Variants in SPIN1 observed in about 807,000 individuals in gnomAD.
SPIN1 encodes the protein spindlin 1.
In SPIN1, 3 loss-of-function variants were observed where a neutral mutation model predicts 26.0. The observed-to-expected ratio is 0.12, with a 90% confidence interval of 0.05 to 0.30. The LOEUF (loss-of-function observed/expected upper bound fraction) is 0.30, where lower values mean the gene tolerates loss of function less well. SPIN1 is among the 10% of genes least tolerant of loss of function. The pLI is 1.00. For missense variants in SPIN1, 126 were observed against 333.4 expected (o/e 0.38, Z 4.84); for synonymous variants, 101 against 116.5 (o/e 0.87, Z 0.86).
In SPIN1 at chr9:88,404,485, ACT is replaced by A. The variant is rs550477028; in HGVS notation, c.-159+15950_-159+15951del. 1.3e-3 allele frequency among the ~76,000 whole-genome samples: 192 copies of A among 152,176 alleles called. 5 individuals are homozygous for A. The South Asian group carries it at 0.036, about 29-fold the overall frequency. ...AAGTTCATAATTTTTAAATTTCTTG[ACT>A]CTTATAGTACTTAGCTTAAAACACA... On this transcript the variant is annotated intron_variant, in intron 1 of 5. Coordinates refer to ENST00000375859, the MANE Select transcript of SPIN1 (RefSeq NM_006717.3).
rs1828902628 is a variant in SPIN1 at position 88,477,142 on chromosome 9, A to G, written c.*1865A>G. 1 of 152,170 alleles carries G rather than the reference A, an allele frequency of 6.6e-6. No homozygotes were observed. The highest frequency in any genetic ancestry group is 1.5e-5 in the Non-Finnish European group (1 of 68,036). The allele number at this position is 152,170 out of a possible 1,614,324, so 9.4% of individuals were successfully genotyped here. ...TGCTTCTCGTATGTGAACAGGTGTC[A>G]TTCTACAGATCTGTTATGTGTTTTC... On this transcript the variant is annotated 3_prime_UTR_variant, in exon 6 of 6. Transcript: ENST00000375859.
intron 5 of SPIN1, among the ~76,000 whole-genome samples, chr9:88,472,819 G>A (rs1178096072): frequency 1.3e-5 from 2 of 152,122 alleles, no homozygotes; most frequent in African/African-American, 2.4e-5. Context: ...TTACTTCTAA[G>A]GATTTTATTC....
intron 3 of SPIN1, among the ~76,000 whole-genome samples, chr9:88,460,679 G>A (rs1010282467): frequency 6.6e-6 from 1 of 152,156 alleles, no homozygotes; most frequent in Non-Finnish European, 1.5e-5. Context: ...AGCTCAGGCA[G>A]GCCAGCAGGA....
At chr9:88,462,222 A>G (rs899769381) in intron 3 of SPIN1, among the ~76,000 whole-genome samples, 1 of 152,234 alleles carries the variant, frequency 6.6e-6, no homozygotes, top group Non-Finnish European at 1.5e-5. Flanking sequence ...AGTAGGGCTT[A>G]AGTTGCTATT....
chr9:88,403,561 A>G (rs1827232400), intron 1 of SPIN1, among the ~76,000 whole-genome samples: 1 of 152,096 alleles, frequency 6.6e-6, no homozygotes, highest in Non-Finnish European at 1.5e-5. Flanking sequence ...ATTTAAAAAA[A>G]TTAGCTGTGT....
intron 1 of SPIN1, among the ~76,000 whole-genome samples, chr9:88,401,599 G>C (rs969438349): frequency 6.6e-6 from 1 of 152,142 alleles, no homozygotes; most frequent in African/African-American, 2.4e-5. Context: ...TAGTTATACT[G>C]TATTGTTGAG....
intron 1 of SPIN1, among the ~76,000 whole-genome samples, chr9:88,394,172 C>T (rs540046504): frequency 1.3e-5 from 2 of 152,262 alleles, no homozygotes; most frequent in Non-Finnish European, 2.9e-5. Context: ...TAATCAAATA[C>T]TCACTGTTTT....
At position 88,477,462 on chromosome 9, in the gene SPIN1, CATG is replaced by C. The variant is rs1828908411; in HGVS notation, c.*2192_*2194del. ...TCTCCCAGTTTCTAGATGAATGCAA[CATG>C]ATGATGGTGATGATGACGATGAGTT... On this transcript the variant is annotated 3_prime_UTR_variant, in exon 6 of 6. Transcript: ENST00000375859. The C allele has an allele frequency of 6.6e-6, 1 of 152,134 alleles. No individual in the cohort carries two copies. The highest frequency in any genetic ancestry group is 2.1e-4 in the South Asian group (1 of 4,822). The allele number at this position is 152,134 out of a possible 1,614,324, so 9.4% of individuals were successfully genotyped here. A position where few individuals can be genotyped will look rare whatever the true frequency, so the allele number is the denominator to read the frequency against.
rs1048007463 is a variant in SPIN1, at chr9:88,478,613, T to A, written c.*3336T>A. On this transcript the variant is annotated 3_prime_UTR_variant, in exon 6 of 6. Transcript: ENST00000375859. The stretch of plus-strand genomic sequence containing the variant: ...TAGAAGTATACACAATATAAATCTG[T>A]TAATTCTGTAAGTAATTTTTATAAT... 1.3e-5 allele frequency: 2 copies of A among 152,256 alleles called. No individual in the cohort carries two copies. The highest frequency in any genetic ancestry group is 2.9e-5 in the Non-Finnish European group (2 of 68,034). The allele number at this position is 152,256 out of a possible 1,614,324, so 9.4% of individuals were successfully genotyped here.
At chr9:88,403,263 T>A (rs1252054926) in intron 1 of SPIN1, among the ~76,000 whole-genome samples, 1 of 152,226 alleles carries the variant, frequency 6.6e-6, no homozygotes. Context: ...TTTGTTTCCT[T>A]TGCTGTGCAG....
At position 88,429,625 on chromosome 9, in the gene SPIN1, C is replaced by G. The variant is rs1038771585; in HGVS notation, c.52+3034C>G. ...GAAGGGGCATTGGTGCATCTACCCC[C>G]CTCCAGGAACCTTCAGATAGTGTTG... On this transcript the variant is annotated intron_variant, in intron 2 of 5. Coordinates refer to ENST00000375859, the MANE Select transcript of SPIN1 (RefSeq NM_006717.3). Among the ~76,000 whole-genome samples the G allele has an allele frequency of 2.0e-5, 3 of 152,162 alleles. No homozygotes were observed. In the East Asian group the frequency reaches 5.8e-4, roughly 29 times the overall value.
At chr9:88,432,421 C>G (rs1198459418) in intron 2 of SPIN1, among the ~76,000 whole-genome samples, 1 of 146,464 alleles carries the variant, frequency 6.8e-6, no homozygotes, top group African/African-American at 2.5e-5. Flanking sequence ...CTCCTGACCT[C>G]AGGTGATCCA....
chr9:88,429,973 G>T (rs982939817), intron 2 of SPIN1, among the ~76,000 whole-genome samples: 9 of 152,164 alleles, frequency 5.9e-5, no homozygotes, highest in Non-Finnish European at 1.3e-4. Flanking sequence ...TATTACAGAA[G>T]TATAGCCTAT....
At chr9:88,405,506 C>T (rs529587738) in intron 1 of SPIN1, among the ~76,000 whole-genome samples, 3 of 145,736 alleles carry the variant, frequency 2.1e-5, no homozygotes, top group East Asian at 2.1e-4. Context: ...GGATTACAGT[C>T]GTGAGCCACA....
At position 88,436,795 on chromosome 9, in the gene SPIN1, C is replaced by T. The variant is rs1474113526; in HGVS notation, c.52+10204C>T. On this transcript the variant is annotated intron_variant, in intron 2 of 5. Transcript: ENST00000375859. ...TTTTTTTTTTTTTGAGACGGAGTCT[C>T]GCTCTGTCGCCCAGGCTGGAGTGCA... 2.2e-3 allele frequency among the ~76,000 whole-genome samples: 280 copies of T among 125,250 alleles called. 1 individual carries two copies. The highest frequency in any genetic ancestry group is 7.2e-3 in the African/African-American group (271 of 37,562). 82.2% of individuals were successfully genotyped at this position (125,250 alleles called of 152,430 possible). A position where few individuals can be genotyped will look rare whatever the true frequency, so the allele number is the denominator to read the frequency against.
In SPIN1 at chr9:88,469,077, C is replaced by T. The variant is rs149009275; in HGVS notation, c.589+472C>T. Among the ~76,000 whole-genome samples, 58 of 152,234 alleles carry T rather than the reference C, an allele frequency of 3.8e-4. No individual in the cohort carries two copies. The East Asian group carries it at 9.3e-3, about 24-fold the overall frequency. On this transcript the variant is annotated intron_variant, in intron 5 of 5. Transcript: ENST00000375859. ...CAGCGATCTTCAGCCTTTTTGTCAC[C>T]GGGGACCAGTTTCATGGAAGACAGT...
chr9:88,465,755 C>T (rs930535891), intron 4 of SPIN1, among the ~76,000 whole-genome samples: 10 of 152,132 alleles, frequency 6.6e-5, no homozygotes, highest in African/African-American at 2.4e-4. Flanking sequence ...TGTAACTAAC[C>T]TTTAAGGAGC....
intron 5 of SPIN1, among the ~76,000 whole-genome samples, chr9:88,474,088 T>G (rs10122460): frequency 6.6e-6 from 1 of 152,094 alleles, no homozygotes; most frequent in African/African-American, 2.4e-5. Flanking sequence ...TTATATGGTC[T>G]ACACCAGGAT....
intron 2 of SPIN1, among the ~76,000 whole-genome samples, chr9:88,433,697 A>G (rs1047882043): frequency 1.3e-5 from 2 of 152,080 alleles, no homozygotes; most frequent in African/African-American, 4.8e-5. Flanking sequence ...ACATAGTCAT[A>G]TTTCCTTACC....
Sources: allele counts gnomAD v4.1 joint callset (sites outside exome capture counted in the v4.1 genomes callset), GRCh38; gene constraint gnomAD v4.1.1; transcripts MANE v1.5; gene names NCBI Gene and HGNC (gene_info 2026-07-23, HGNC 2026-07-21).